TXNL4A: variants seen among roughly 807,000 people sequenced by gnomAD.
TXNL4A encodes the protein thioredoxin-like protein 4A.
In TXNL4A, 17 loss-of-function variants were observed where a neutral mutation model predicts 14.6. The observed-to-expected ratio is 1.16, with a 90% CI of 0.80 to 1.74. The LOEUF is 1.74. Ranked by LOEUF, TXNL4A falls within the 40% of genes most tolerant of loss-of-function variation. The probability of loss-of-function intolerance (pLI) is 0.00; values close to 1 mark genes in which losing one functional copy is unlikely to be tolerated. For missense variants in TXNL4A, 74 were observed against 195.2 expected (o/e 0.38, Z 3.70); for synonymous variants, 83 against 70.6 (o/e 1.18, Z -0.88).
rs1410693014 is a variant in TXNL4A at position 79,982,459 on chromosome 18, T to C, written c.154-4758A>G. Among the ~76,000 whole-genome samples, 1 of 152,130 alleles carries C rather than the reference T, an allele frequency of 6.6e-6. No individual in the cohort carries two copies. The highest frequency in any genetic ancestry group is 1.5e-5 in the Non-Finnish European group (1 of 68,014). Reference sequence around the variant, plus strand: ...AGAGAGCTACCTTACTGCCGCCACCTACATCCAGCAGTGATCCCAGCCAGG... The same window carrying C: ...AGAGAGCTACCTTACTGCCGCCACCCACATCCAGCAGTGATCCCAGCCAGG... On this transcript the variant is annotated intron_variant, in intron 1 of 2. Transcript: ENST00000269601. This position sits in a 1 kb window ranked among gnomAD's most constrained non-coding sequence, Gnocchi z 4.0.
chr18:79,975,441 A>C (rs1487397996), intron 2 of TXNL4A, among the ~76,000 whole-genome samples: 1 of 152,242 alleles, frequency 6.6e-6, no homozygotes, highest in Non-Finnish European at 1.5e-5. Flanking sequence ...AACTACACTA[A>C]GTAGGCTGCT....
chr18:80,020,280 T>C (rs2051839981), intron 1 of TXNL4A, among the ~76,000 whole-genome samples: 1 of 152,196 alleles, frequency 6.6e-6, no homozygotes. Context: ...GGGAGGAAAG[T>C]GGCTGGGTTC....
intron 1 of TXNL4A, among the ~76,000 whole-genome samples, chr18:80,009,882 C>G (rs2051758747): frequency 6.6e-6 from 1 of 151,792 alleles, no homozygotes; most frequent in African/African-American, 2.4e-5. Flanking sequence ...GGCATTTTTC[C>G]CTTATCAGTT....
chr18:79,996,604 G>A (rs4799117), intron 1 of TXNL4A, among the ~76,000 whole-genome samples: 119,378 of 152,116 alleles, frequency 0.78, 47,565 homozygotes, highest in East Asian at 0.91. Flanking sequence ...CGAAAGGTGA[G>A]CTTCTTCTAG....
At chr18:80,005,310 T>C (rs12607697) in intron 1 of TXNL4A, among the ~76,000 whole-genome samples, 17,052 of 152,280 alleles carry the variant, frequency 0.11, 1,183 homozygotes, top group East Asian at 0.27. Context: ...GTCTGCAGAC[T>C]TGGCAAGCTC....
chr18:80,013,185 C>T (rs1160424759), intron 1 of TXNL4A, among the ~76,000 whole-genome samples: 4 of 149,034 alleles, frequency 2.7e-5, no homozygotes, highest in South Asian at 4.2e-4. Flanking sequence ...CAGTGGCGCG[C>T]GATCTTGGCT....
intron 1 of TXNL4A, among the ~76,000 whole-genome samples, chr18:80,018,730 T>C (rs552288349): frequency 2.6e-5 from 4 of 152,168 alleles, no homozygotes; most frequent in African/African-American, 7.2e-5. Context: ...AACTAGAAAA[T>C]CTAGAAGAAA....
At chr18:80,021,938 CA>C (rs2051852263) in intron 1 of TXNL4A, among the ~76,000 whole-genome samples, 1 of 151,408 alleles carries the variant, frequency 6.6e-6, no homozygotes, top group African/African-American at 2.4e-5. Flanking sequence ...AAGGGGAGGA[CA>C]AAGAGTTTGT....
At chr18:80,016,621 T>G (rs1268215987) in intron 1 of TXNL4A, among the ~76,000 whole-genome samples, 1 of 152,250 alleles carries the variant, frequency 6.6e-6, no homozygotes, top group Non-Finnish European at 1.5e-5. Flanking sequence ...AAATAGGGAA[T>G]CCTTTCCACA....
At chr18:79,984,478 C>G (rs952627965) in intron 1 of TXNL4A, among the ~76,000 whole-genome samples, 2 of 152,148 alleles carry the variant, frequency 1.3e-5, no homozygotes, top group African/African-American at 4.8e-5. Context: ...GGCCTGTAGT[C>G]CCAGCTACTC....
In TXNL4A at chr18:79,973,586, C is replaced by A; in HGVS notation, c.*99G>T. 1 of 1,452,060 alleles carries A rather than the reference C, an allele frequency of 6.9e-7. No individual in the cohort carries two copies. The highest frequency in any genetic ancestry group is 1.4e-5 in the African/African-American group (1 of 70,436). 89.9% of individuals were successfully genotyped at this position (1,452,060 alleles called of 1,614,324 possible). A position where few individuals can be genotyped will look rare whatever the true frequency, so the allele number is the denominator to read the frequency against. ...CAATTCCATCTCAGAGGTGCTCCAG[C>A]CCTGGAGCTTCCTGTATTTTCCAAA... On this transcript the variant is annotated 3_prime_UTR_variant, in exon 3 of 3. Transcript: ENST00000269601.
chr18:79,988,573 C>G (rs535093975), upstream of TXNL4A: 4 of 559,792 alleles, frequency 7.1e-6, no homozygotes, highest in Admixed American at 1.8e-4. Flanking sequence ...TGGGCGCGCA[C>G]GCACCGACGC....
intron 1 of TXNL4A, among the ~76,000 whole-genome samples, chr18:80,004,758 A>C (rs183361224): frequency 9.2e-5 from 14 of 152,314 alleles, no homozygotes; most frequent in South Asian, 6.2e-4. Flanking sequence ...CCTTGAGCAG[A>C]GTCCCAAGAA....
intron 1 of TXNL4A, among the ~76,000 whole-genome samples, chr18:80,019,345 A>G (rs934896061): frequency 1.3e-5 from 2 of 152,182 alleles, no homozygotes; most frequent in African/African-American, 4.8e-5. Context: ...GGAAGAAGCA[A>G]AAGCAAAAAC....
intron 1 of TXNL4A, among the ~76,000 whole-genome samples, chr18:80,031,893 T>C (rs1376825753): frequency 6.6e-6 from 1 of 152,246 alleles, no homozygotes; most frequent in Admixed American, 6.5e-5. Context: ...TCTGGGGAAC[T>C]TGGTGGCACA....
intron 1 of TXNL4A, among the ~76,000 whole-genome samples, chr18:79,997,540 A>G (rs914867397): frequency 6.6e-6 from 1 of 152,138 alleles, no homozygotes. Context: ...TCAGTTGCAG[A>G]TCTCTGCAGT....
chr18:79,988,596 C>G (rs2051596286), upstream of TXNL4A: 1 of 435,032 alleles, frequency 2.3e-6, no homozygotes, highest in Non-Finnish European at 3.7e-6. Context: ...TGCGTGCTGA[C>G]GGCATGCGCG....
intron 1 of TXNL4A, among the ~76,000 whole-genome samples, chr18:80,001,301 G>A (rs1298606086): frequency 2.6e-5 from 4 of 152,204 alleles, no homozygotes; most frequent in Non-Finnish European, 2.9e-5. Flanking sequence ...ATGCCTGGAC[G>A]TCCAGGCAGG....
intron 1 of TXNL4A, among the ~76,000 whole-genome samples, chr18:79,984,248 C>G (rs1311424418): frequency 6.6e-6 from 1 of 152,176 alleles, no homozygotes; most frequent in African/African-American, 2.4e-5. Flanking sequence ...CTTAATATGG[C>G]TCCTATGAAG....
Sources: allele counts gnomAD v4.1 joint callset (sites outside exome capture counted in the v4.1 genomes callset), GRCh38; gene constraint gnomAD v4.1.1; non-coding constraint Gnocchi (gnomAD v3.1); transcripts MANE v1.5; gene names NCBI Gene and HGNC (gene_info 2026-07-23, HGNC 2026-07-21).